The following PXDNL variants were observed in gnomAD, a reference collection of about 807,000 sequenced individuals.
The protein encoded by PXDNL is probable oxidoreductase PXDNL.
Under a neutral mutation model 150.8 loss-of-function variants are expected in PXDNL, and 145 were observed. The observed-to-expected ratio is 0.96, with a 90% CI of 0.84 to 1.10. The LOEUF (loss-of-function observed/expected upper bound fraction) is 1.10, where lower values mean the gene tolerates loss of function less well. PXDNL is among the 50% of genes least tolerant of loss of function. PXDNL has a pLI of 0.00. For synonymous variants in PXDNL, 757 were observed against 725.7 expected (o/e 1.04, Z -0.69); for missense variants, 2,087 against 1,873.9 (o/e 1.11, Z -2.10).
chr8:51,574,627 T>C (rs1813011986), intron 3 of PXDNL, among the ~76,000 whole-genome samples: 1 of 151,962 alleles, frequency 6.6e-6, no homozygotes, highest in Non-Finnish European at 1.5e-5. Context: ...ATACTTCATA[T>C]TCAAATATCA....
intron 18 of PXDNL, among the ~76,000 whole-genome samples, chr8:51,374,178 C>T (rs1807224175): frequency 6.6e-6 from 1 of 152,170 alleles, no homozygotes. Flanking sequence ...CTACCAGTTC[C>T]TTCCTTCTCA....
intron 2 of PXDNL, among the ~76,000 whole-genome samples, chr8:51,620,638 G>A (rs1814231693): frequency 6.6e-6 from 1 of 151,804 alleles, no homozygotes; most frequent in African/African-American, 2.4e-5. Context: ...CCGCCTCCCA[G>A]GTTCAAGCAA....
chr8:51,447,510 G>A (rs1391303297), intron 11 of PXDNL, among the ~76,000 whole-genome samples: 2 of 152,090 alleles, frequency 1.3e-5, no homozygotes, highest in South Asian at 2.1e-4. Context: ...AGATATCTTC[G>A]TGACAGTTGT....
intron 17 of PXDNL, among the ~76,000 whole-genome samples, chr8:51,395,188 A>G (rs1394089021): frequency 1.3e-5 from 2 of 152,192 alleles, no homozygotes; most frequent in Non-Finnish European, 2.9e-5. Context: ...AAGTGTGCAT[A>G]AAGTGTGTGT....
chr8:51,611,334 A>G (rs1813995006), intron 2 of PXDNL, among the ~76,000 whole-genome samples: 1 of 152,230 alleles, frequency 6.6e-6, no homozygotes, highest in Non-Finnish European at 1.5e-5. Flanking sequence ...TTCGATCATG[A>G]AAAAAGAATG....
At chr8:51,507,541 C>A (rs1482123700) in intron 4 of PXDNL, among the ~76,000 whole-genome samples, 1 of 152,160 alleles carries the variant, frequency 6.6e-6, no homozygotes, top group East Asian at 1.9e-4. Context: ...GATATAAGGA[C>A]ACATGACAAG....
intron 2 of PXDNL, among the ~76,000 whole-genome samples, chr8:51,631,250 G>A (rs1037552927): frequency 6.6e-6 from 1 of 151,974 alleles, no homozygotes; most frequent in African/African-American, 2.4e-5. Flanking sequence ...TGGACACAAA[G>A]AAGAGAACAA....
chr8:51,585,864 C>G (rs1326101545), intron 3 of PXDNL, among the ~76,000 whole-genome samples: 1 of 151,564 alleles, frequency 6.6e-6, no homozygotes, highest in Admixed American at 6.6e-5. Context: ...CCACCCACCC[C>G]TTGTGGCTCT....
At chr8:51,646,008 CA>C (rs1164381261) in intron 2 of PXDNL, among the ~76,000 whole-genome samples, 1 of 152,026 alleles carries the variant, frequency 6.6e-6, no homozygotes. Context: ...AAACAAGAGC[CA>C]AGCAATGAGT....
intron 1 of PXDNL, among the ~76,000 whole-genome samples, chr8:51,759,128 GTTCT>G (rs1360578778): frequency 3.3e-5 from 5 of 152,236 alleles, no homozygotes; most frequent in Admixed American, 6.5e-5. Flanking sequence ...GCTCCCAGGG[GTTCT>G]TTGTTTGCCC....
At chr8:51,583,769 CTGTT>C (rs1813262619) in intron 3 of PXDNL, among the ~76,000 whole-genome samples, 1 of 152,190 alleles carries the variant, frequency 6.6e-6, no homozygotes, top group East Asian at 1.9e-4. Context: ...GATAGATAGA[CTGTT>C]GGATGGATGG....
intron 21 of PXDNL, among the ~76,000 whole-genome samples, chr8:51,333,675 C>T (rs1328882293): frequency 2.0e-5 from 3 of 151,720 alleles, no homozygotes; most frequent in Non-Finnish European, 4.4e-5. Flanking sequence ...AAAATAGACA[C>T]CCAGACAAAA....
intron 4 of PXDNL, among the ~76,000 whole-genome samples, chr8:51,548,504 C>T (rs1373074782): frequency 6.6e-6 from 1 of 152,126 alleles, no homozygotes; most frequent in Non-Finnish European, 1.5e-5. Context: ...CAGCAGAAAC[C>T]TTACAAGCCA....
chr8:51,398,930 AAATT>A (rs1448303614), intron 17 of PXDNL, among the ~76,000 whole-genome samples: 1 of 152,220 alleles, frequency 6.6e-6, no homozygotes, highest in Non-Finnish European at 1.5e-5. Context: ...TGTAGAAAGA[AAATT>A]AAGAATCATA....
chr8:51,779,859 T>C (rs1225864069), intron 1 of PXDNL, among the ~76,000 whole-genome samples: 1 of 152,174 alleles, frequency 6.6e-6, no homozygotes, highest in Non-Finnish European at 1.5e-5. Flanking sequence ...ATCTCAAGCC[T>C]GGCTTTTCAA....
chr8:51,735,764 T>G (rs1817025797), intron 1 of PXDNL, among the ~76,000 whole-genome samples: 2 of 151,206 alleles, frequency 1.3e-5, no homozygotes, highest in Non-Finnish European at 3.0e-5. Context: ...GCCGGGATGG[T>G]CTCGATCTCC....
At chr8:51,555,740 T>C (rs982640693) in intron 4 of PXDNL, among the ~76,000 whole-genome samples, 2 of 152,194 alleles carry the variant, frequency 1.3e-5, no homozygotes, top group Non-Finnish European at 2.9e-5. Flanking sequence ...TTGTCATCAA[T>C]GGGAAAAATC....
At chr8:51,402,890 G>A (rs200500675) in intron 17 of PXDNL, among the ~76,000 whole-genome samples, 5 of 140,572 alleles carry the variant, frequency 3.6e-5, no homozygotes, top group South Asian at 4.7e-4. Flanking sequence ...GTAAAACCCC[G>A]TCTCTACTAA....
chr8:51,526,347 CT>C (rs1318790856), intron 4 of PXDNL, among the ~76,000 whole-genome samples: 1 of 134,048 alleles, frequency 7.5e-6, no homozygotes, highest in Non-Finnish European at 1.6e-5. Context: ...GTTTTTTTTT[CT>C]TTTTTTTTTA....
Sources: allele counts gnomAD v4.1 joint callset (sites outside exome capture counted in the v4.1 genomes callset), GRCh38; gene constraint gnomAD v4.1.1; transcripts MANE v1.5; gene names NCBI Gene and HGNC (gene_info 2026-07-23, HGNC 2026-07-21).